STARD13: variants seen among roughly 807,000 people sequenced by gnomAD.
STARD13 encodes the protein stAR-related lipid transfer protein 13.
A neutral mutation model predicts 106.4 loss-of-function variants in STARD13; 62 were observed. The observed-to-expected ratio is 0.58, with a 90% CI of 0.48 to 0.72. The LOEUF (loss-of-function observed/expected upper bound fraction) is 0.72, where lower values mean the gene tolerates loss of function less well. Among genes scored for constraint, STARD13 ranks in the 30% least tolerant of loss-of-function variants. The pLI, the probability that STARD13 is intolerant of heterozygous loss-of-function variation, is 0.00. For synonymous variants in STARD13, 565 were observed against 553.0 expected, an observed-to-expected ratio of 1.02 and a Z score of -0.31; for missense variants, 1,387 against 1,424.0, an observed-to-expected ratio of 0.97 and a Z score of 0.42.
the STARD13 span, among the ~76,000 whole-genome samples, chr13:33,566,775 C>T: frequency 6.8e-6 from 1 of 147,892 alleles, no homozygotes; most frequent in Non-Finnish European, 1.5e-5. Flanking sequence ...TCACTGCTCT[C>T]AGGTGCAGGC....
the STARD13 span, among the ~76,000 whole-genome samples, chr13:33,400,037 A>G: frequency 2.6e-5 from 4 of 152,174 alleles, no homozygotes; most frequent in African/African-American, 9.7e-5. Context: ...AATTAGTTTA[A>G]TACATCCATA....
rs574730191 is a variant in STARD13 at position 33,240,627 on chromosome 13, C to A, written c.169+44843G>T. 3.9e-5 allele frequency among the ~76,000 whole-genome samples: 6 copies of A among 152,068 alleles called. No individual in the cohort carries two copies. The South Asian group carries it at 1.0e-3, about 26-fold the overall frequency. On this transcript the variant is annotated intron_variant, in intron 1 of 13. Transcript: ENST00000336934. Reference sequence around the variant, plus strand: ...TTAAGTTTATCCTTAAGTATCTTATCCTTAAGGATCCCTAAGTTTATCCTT... The same window carrying A: ...TTAAGTTTATCCTTAAGTATCTTATACTTAAGGATCCCTAAGTTTATCCTT...
chr13:33,510,409 C>G, the STARD13 span, among the ~76,000 whole-genome samples: 2 of 152,168 alleles, frequency 1.3e-5, no homozygotes, highest in Non-Finnish European at 1.5e-5. Context: ...TAATGAGAGA[C>G]ATAGTTAACC....
chr13:33,189,440 AAGG>A (rs1886073306), intron 1 of STARD13, among the ~76,000 whole-genome samples: 1 of 120,356 alleles, frequency 8.3e-6, no homozygotes, highest in Non-Finnish European at 1.7e-5. Flanking sequence ...CTTTCGGAGG[AAGG>A]AGGGAAAGCA....
the STARD13 span, among the ~76,000 whole-genome samples, chr13:33,585,434 C>A: frequency 6.6e-6 from 1 of 151,990 alleles, no homozygotes; most frequent in Non-Finnish European, 1.5e-5. Context: ...TGGCTCAGAT[C>A]TGTAATTTCA....
the STARD13 span, among the ~76,000 whole-genome samples, chr13:33,531,421 A>G: frequency 1.3e-5 from 2 of 152,192 alleles, no homozygotes; most frequent in African/African-American, 2.4e-5. Context: ...ATGCCATTCA[A>G]ATTATTCTGT....
chr13:33,597,184 C>G, the STARD13 span, among the ~76,000 whole-genome samples: 2 of 152,160 alleles, frequency 1.3e-5, no homozygotes, highest in African/African-American at 4.8e-5. Context: ...TTCTCTGCAT[C>G]CTTGTCAGCA....
At chr13:33,389,233 C>G in the STARD13 span, among the ~76,000 whole-genome samples, 1 of 152,100 alleles carries the variant, frequency 6.6e-6, no homozygotes. Flanking sequence ...GCTGGGATTA[C>G]AGGCTTGAGC....
chr13:33,174,224 C>A (rs1039825615), intron 1 of STARD13, among the ~76,000 whole-genome samples: 1 of 152,020 alleles, frequency 6.6e-6, no homozygotes, highest in African/African-American at 2.4e-5. Context: ...TAAACAAATA[C>A]GTTACACATA....
chr13:33,147,710 A>C (rs990335265), intron 3 of STARD13, among the ~76,000 whole-genome samples: 4 of 152,240 alleles, frequency 2.6e-5, no homozygotes, highest in Non-Finnish European at 5.9e-5. Context: ...AAAACAGTGG[A>C]TATCAGCAAA....
chr13:33,388,607 G>A, the STARD13 span, among the ~76,000 whole-genome samples: 3 of 152,178 alleles, frequency 2.0e-5, no homozygotes, highest in Non-Finnish European at 2.9e-5. Flanking sequence ...CTAGAATGTT[G>A]TCATCCATTT....
chr13:33,356,506 G>A, the STARD13 span, among the ~76,000 whole-genome samples: 18 of 152,220 alleles, frequency 1.2e-4, no homozygotes, highest in Non-Finnish European at 2.5e-4. Flanking sequence ...AGCCAACTAG[G>A]TTCATACCAT....
the STARD13 span, among the ~76,000 whole-genome samples, chr13:33,607,886 A>C: frequency 6.6e-6 from 1 of 152,188 alleles, no homozygotes; most frequent in African/African-American, 2.4e-5. Context: ...CAGAAAAAAA[A>C]GTAATGAAAA....
At chr13:33,197,612 C>T (rs753502326) in intron 1 of STARD13, among the ~76,000 whole-genome samples, 1 of 152,222 alleles carries the variant, frequency 6.6e-6, no homozygotes, top group South Asian at 2.1e-4. Flanking sequence ...AATTCCACTT[C>T]GGTCTGCCCA....
At chr13:33,319,672 C>G (rs2138524683) in intron 1 of STARD13, among the ~76,000 whole-genome samples, 1 of 152,272 alleles carries the variant, frequency 6.6e-6, no homozygotes, top group East Asian at 1.9e-4. Flanking sequence ...TTACCAAGAT[C>G]TCTGTCTTGG....
the STARD13 span, among the ~76,000 whole-genome samples, chr13:33,412,832 AAGGAAAAAT>A: frequency 6.6e-6 from 1 of 152,222 alleles, no homozygotes; most frequent in Non-Finnish European, 1.5e-5. Context: ...ATAGAACAAA[AAGGAAAAAT>A]AGGCAAATCT....
At chr13:33,550,998 CTCTTT>C in the STARD13 span, among the ~76,000 whole-genome samples, 1 of 152,140 alleles carries the variant, frequency 6.6e-6, no homozygotes, top group Non-Finnish European at 1.5e-5. Context: ...TAAATGCTTC[CTCTTT>C]TCTTTACTAC....
intron 1 of STARD13, among the ~76,000 whole-genome samples, chr13:33,322,149 G>A (rs1002343505): frequency 2.6e-5 from 4 of 152,100 alleles, no homozygotes; most frequent in African/African-American, 9.7e-5. Context: ...TTTCCAAATC[G>A]ATTTCATTTA....
the STARD13 span, among the ~76,000 whole-genome samples, chr13:33,406,318 T>C: frequency 6.6e-6 from 1 of 152,256 alleles, no homozygotes; most frequent in Admixed American, 6.5e-5. Flanking sequence ...ATACTTGTTT[T>C]ACTAACTAGG....
Sources: gnomAD v4.1 joint callset for allele counts (sites outside exome capture counted in the v4.1 genomes callset) on GRCh38, gnomAD v4.1.1 for gene constraint, MANE v1.5 for transcripts, NCBI Gene and HGNC (gene_info 2026-07-23, HGNC 2026-07-21) for gene names.